The following PLD1 variants were observed in gnomAD, a reference collection of about 807,000 sequenced individuals.
The protein encoded by PLD1 is phospholipase D1.
In PLD1, 112 loss-of-function variants were observed where a neutral mutation model predicts 137.1. The ratio of observed to expected loss-of-function variants is 0.82; its 90% CI spans 0.70 to 0.96. The LOEUF is 0.96. PLD1 is among the 40% of genes least tolerant of loss of function. The pLI is 0.00. For synonymous variants in PLD1, 431 were observed against 454.7 expected, an observed-to-expected ratio of 0.95 and a Z score of 0.66; for missense variants, 1,321 against 1,342.0, an observed-to-expected ratio of 0.98 and a Z score of 0.24.
At chr3:171,604,741 CAT>C (rs1465190265) in intron 26 of PLD1, among the ~76,000 whole-genome samples, 3 of 152,214 alleles carry the variant, frequency 2.0e-5, no homozygotes, top group South Asian at 2.1e-4. Flanking sequence ...CAACAAATGA[CAT>C]GTCTTGTTAT....
chr3:171,687,623 G>A (rs572752125), intron 14 of PLD1, 39 bp from the exon 15 acceptor site: 2 of 1,325,752 alleles, frequency 1.5e-6, no homozygotes, highest in African/African-American at 2.9e-5. Flanking sequence ...CACTGCATAA[G>A]ACATGCTGCA....
intron 22 of PLD1, among the ~76,000 whole-genome samples, chr3:171,643,544 T>C (rs2108376619): frequency 6.6e-6 from 1 of 152,228 alleles, no homozygotes; most frequent in East Asian, 1.9e-4. Flanking sequence ...CAAATAGAGA[T>C]GTTTTTGCAT....
intron 20 of PLD1, among the ~76,000 whole-genome samples, chr3:171,661,656 G>A (rs561846331): frequency 1.6e-4 from 25 of 152,206 alleles, no homozygotes; most frequent in African/African-American, 6.0e-4. Flanking sequence ...CCAAACCAGT[G>A]GCATCCAGTG....
At chr3:171,792,804 G>A (rs1723272273) in intron 1 of PLD1, 1 of 435,250 alleles carries the variant, frequency 2.3e-6, no homozygotes, top group Admixed American at 2.5e-5. Context: ...AACAAGTCCT[G>A]GCATGTGACT....
chr3:171,748,398 CA>C (rs1365774472), intron 1 of PLD1, among the ~76,000 whole-genome samples: 1 of 151,336 alleles, frequency 6.6e-6, no homozygotes, highest in Non-Finnish European at 1.5e-5. Flanking sequence ...TCAGTTTCTT[CA>C]TGGCCAAGAA....
chr3:171,720,530 C>T (rs369454950), intron 8 of PLD1, among the ~76,000 whole-genome samples: 174 of 150,354 alleles, frequency 1.2e-3, no homozygotes, highest in African/African-American at 4.2e-3. Context: ...TTGCAGTGAG[C>T]GGAGATCAGG....
At chr3:171,792,874 C>T (rs1293931907) in intron 1 of PLD1, 2 of 353,660 alleles carry the variant, frequency 5.7e-6, no homozygotes, top group Non-Finnish European at 1.1e-5. Flanking sequence ...GAGCCTCACA[C>T]ACAAAGCCCT....
chr3:171,769,161 C>T (rs1722177174), intron 1 of PLD1, among the ~76,000 whole-genome samples: 1 of 152,096 alleles, frequency 6.6e-6, no homozygotes. Flanking sequence ...GGGAGTTTCC[C>T]TCTTATCTAA....
intron 1 of PLD1, among the ~76,000 whole-genome samples, chr3:171,762,586 G>A (rs1043903938): frequency 1.3e-5 from 2 of 152,146 alleles, no homozygotes; most frequent in African/African-American, 2.4e-5. Context: ...GAAGGTTGCC[G>A]CTGATAAAGC....
chr3:171,661,666 G>A (rs1263457183), intron 20 of PLD1, among the ~76,000 whole-genome samples: 1 of 152,120 alleles, frequency 6.6e-6, no homozygotes, highest in Non-Finnish European at 1.5e-5. Context: ...GGCATCCAGT[G>A]GTCTCTATTT....
At chr3:171,786,900 C>T (rs761522048) in intron 1 of PLD1, among the ~76,000 whole-genome samples, 4 of 152,146 alleles carry the variant, frequency 2.6e-5, no homozygotes, top group Admixed American at 2.6e-4. Flanking sequence ...ACGTGCAGTG[C>T]CTCCGTAGTG....
At chr3:171,781,267 T>C (rs970725602) in intron 1 of PLD1, among the ~76,000 whole-genome samples, 1 of 150,930 alleles carries the variant, frequency 6.6e-6, no homozygotes, top group African/African-American at 2.4e-5. Context: ...TAAATATCTA[T>C]ATAGCAAAAA....
At chr3:171,610,159 T>G (rs1285085239) in intron 25 of PLD1, among the ~76,000 whole-genome samples, 1 of 151,988 alleles carries the variant, frequency 6.6e-6, no homozygotes, top group East Asian at 1.9e-4. Flanking sequence ...ATAAAGAAGG[T>G]GAACAAGAAG....
intron 11 of PLD1, among the ~76,000 whole-genome samples, chr3:171,701,843 A>T (rs1716271678): frequency 6.6e-6 from 1 of 152,222 alleles, no homozygotes; most frequent in Non-Finnish European, 1.5e-5. Context: ...TACCACTAAG[A>T]AAGAAAACAT....
intron 1 of PLD1, among the ~76,000 whole-genome samples, chr3:171,764,904 G>GAAAGAAAGA (rs1411579957): frequency 4.4e-4 from 12 of 27,352 alleles, no homozygotes; most frequent in African/African-American, 1.4e-3. Context: ...AGGAAGGAAG[G>GAAAGAAAGA]AAGGAAGGAA....
chr3:171,678,249 G>C (rs1384040175), intron 16 of PLD1, among the ~76,000 whole-genome samples: 6 of 152,202 alleles, frequency 3.9e-5, no homozygotes, highest in Non-Finnish European at 7.3e-5. Context: ...GAATTAATTA[G>C]CTAAGTGACA....
In PLD1 at chr3:171,805,725, A is replaced by C. The variant is rs1423189145; in HGVS notation, c.-32+4674T>G. Among the ~76,000 whole-genome samples the C allele has an allele frequency of 2.0e-5, 3 of 152,230 alleles. No homozygotes were observed. In the East Asian group the frequency reaches 5.8e-4, roughly 29 times the overall value. ...GACGAAATGGAAATAAAAAAACCTA[A>C]AAAAAAGTTTGTTAAGAGGATGGAA... is the stretch of plus-strand genomic sequence containing the variant. On this transcript the variant is annotated intron_variant, in intron 1 of 26. Transcript: ENST00000351298.
intron 1 of PLD1, among the ~76,000 whole-genome samples, chr3:171,748,690 A>G (rs1720442515): frequency 6.6e-6 from 1 of 151,954 alleles, no homozygotes. Context: ...GAGGCAGTAC[A>G]GTACCATGGT....
At chr3:171,636,609 C>T (rs1312055749) in intron 23 of PLD1, among the ~76,000 whole-genome samples, 2 of 151,750 alleles carry the variant, frequency 1.3e-5, no homozygotes, top group East Asian at 1.9e-4. Context: ...TTTTTGTATA[C>T]TCATCTTGTA....
Sources: allele counts gnomAD v4.1 joint callset (sites outside exome capture counted in the v4.1 genomes callset), GRCh38; gene constraint gnomAD v4.1.1; transcripts MANE v1.5; gene names NCBI Gene and HGNC (gene_info 2026-07-23, HGNC 2026-07-21).